The following GRM8 variants were observed in gnomAD, a reference collection of about 807,000 sequenced individuals.
GRM8 encodes the protein metabotropic glutamate receptor 8.
A neutral mutation model predicts 87.2 loss-of-function variants in GRM8; 47 were observed. The ratio of observed to expected loss-of-function variants is 0.54; its 90% CI spans 0.43 to 0.69. The LOEUF is 0.69. Ranked by LOEUF, GRM8 falls within the 30% of genes least tolerant of loss-of-function variation. The pLI is 0.00. For missense variants in GRM8, 1,019 were observed against 1,139.2 expected (o/e 0.89, Z 1.52); for synonymous variants, 396 against 404.5 (o/e 0.98, Z 0.25).
At chr7:126,826,574 T>G (rs1169943469) in intron 6 of GRM8, among the ~76,000 whole-genome samples, 3 of 152,228 alleles carry the variant, frequency 2.0e-5, no homozygotes. Flanking sequence ...GTTGTTTTTT[T>G]CTTGTAAATT....
At chr7:127,106,778 G>A (rs535230599) in intron 2 of GRM8, 66 bp from the exon 3 acceptor site, 78 of 1,147,962 alleles carry the variant, frequency 6.8e-5, no homozygotes, top group African/African-American at 6.5e-4. Flanking sequence ...ATTGTCATAT[G>A]AGCTAAACAG....
chr7:126,673,374 A>AGAT (rs1806593512), intron 7 of GRM8, among the ~76,000 whole-genome samples: 1 of 152,176 alleles, frequency 6.6e-6, no homozygotes, highest in African/African-American at 2.4e-5. Context: ...TTCAAGTGGG[A>AGAT]GATAATGGAT....
chr7:126,586,469 T>G (rs1412028177), intron 8 of GRM8, among the ~76,000 whole-genome samples: 1 of 152,236 alleles, frequency 6.6e-6, no homozygotes, highest in East Asian at 1.9e-4. Flanking sequence ...ATGGTACTGG[T>G]ACCAAAACAG....
At chr7:126,565,393 G>C (rs1262162012) in intron 8 of GRM8, among the ~76,000 whole-genome samples, 1 of 152,012 alleles carries the variant, frequency 6.6e-6, no homozygotes, top group African/African-American at 2.4e-5. Flanking sequence ...CAATTGTATT[G>C]CTATGTATTA....
intron 2 of GRM8, among the ~76,000 whole-genome samples, chr7:127,208,680 T>C (rs1162062549): frequency 6.6e-6 from 1 of 152,216 alleles, no homozygotes; most frequent in Non-Finnish European, 1.5e-5. Flanking sequence ...GCTTTTACAA[T>C]GATCACCTTG....
At chr7:126,937,224 A>G (rs1187529904) in intron 3 of GRM8, among the ~76,000 whole-genome samples, 1 of 152,172 alleles carries the variant, frequency 6.6e-6, no homozygotes, top group Non-Finnish European at 1.5e-5. Context: ...ATTGCTTCAG[A>G]TGACCTCAAG....
chr7:126,714,203 A>G (rs1271834426), intron 7 of GRM8, among the ~76,000 whole-genome samples: 1 of 150,708 alleles, frequency 6.6e-6, no homozygotes, highest in Non-Finnish European at 1.5e-5. Context: ...GCTTGAAGCC[A>G]GGAGGCAGAG....
chr7:126,632,922 CG>C (rs1585299644), intron 7 of GRM8, among the ~76,000 whole-genome samples: 1 of 151,802 alleles, frequency 6.6e-6, no homozygotes, highest in African/African-American at 2.4e-5. Flanking sequence ...TATAGAGACA[CG>C]TTTTTTTAAA....
At chr7:126,698,196 C>T (rs1417266499) in intron 7 of GRM8, among the ~76,000 whole-genome samples, 2 of 152,060 alleles carry the variant, frequency 1.3e-5, no homozygotes, top group Non-Finnish European at 2.9e-5. Flanking sequence ...TTAGACAATA[C>T]TCTGGTGAAA....
At chr7:126,506,002 C>A (rs1810408789) in intron 9 of GRM8, among the ~76,000 whole-genome samples, 1 of 151,994 alleles carries the variant, frequency 6.6e-6, no homozygotes, top group Admixed American at 6.6e-5. Flanking sequence ...TCCTCTCCTC[C>A]TCCTAGCCCC....
At chr7:127,093,301 C>T (rs1197388499) in intron 3 of GRM8, among the ~76,000 whole-genome samples, 1 of 152,146 alleles carries the variant, frequency 6.6e-6, no homozygotes, top group East Asian at 1.9e-4. Flanking sequence ...ATCCCTACCA[C>T]CTAGAACAAG....
chr7:127,168,836 C>A (rs1384204980), intron 2 of GRM8, among the ~76,000 whole-genome samples: 1 of 151,702 alleles, frequency 6.6e-6, no homozygotes, highest in Non-Finnish European at 1.5e-5. Context: ...AGGGGAACAT[C>A]ACACACGGGG....
intron 8 of GRM8, among the ~76,000 whole-genome samples, chr7:126,569,081 T>C (rs931227547): frequency 1.3e-5 from 2 of 152,208 alleles, no homozygotes; most frequent in African/African-American, 4.8e-5. Flanking sequence ...CACTCTATTA[T>C]ACTTCTTCAA....
intron 3 of GRM8, among the ~76,000 whole-genome samples, chr7:127,014,372 G>T (rs981025244): frequency 2.0e-5 from 3 of 152,208 alleles, no homozygotes; most frequent in African/African-American, 7.2e-5. Context: ...AGGATATTCA[G>T]GATGAAGACC....
intron 6 of GRM8, among the ~76,000 whole-genome samples, chr7:126,823,843 A>G (rs560875567): frequency 2.2e-4 from 34 of 152,276 alleles, no homozygotes; most frequent in Middle Eastern, 3.4e-3. Context: ...CCTTAACTCA[A>G]TGTACACAAG....
chr7:126,988,353 G>A (rs3808133), intron 3 of GRM8, among the ~76,000 whole-genome samples: 15,481 of 152,132 alleles, frequency 0.1, 949 homozygotes, highest in East Asian at 0.21. Context: ...AGCACTTAAG[G>A]CACAATAATT....
chr7:126,825,154 G>A (rs899218481), intron 6 of GRM8, among the ~76,000 whole-genome samples: 5 of 152,024 alleles, frequency 3.3e-5, no homozygotes, highest in Non-Finnish European at 7.4e-5. Flanking sequence ...TGCAACCTCC[G>A]CCTCCTGGGT....
chr7:126,538,188 T>C (rs530359462), intron 8 of GRM8, among the ~76,000 whole-genome samples: 1 of 152,344 alleles, frequency 6.6e-6, no homozygotes, highest in Admixed American at 6.5e-5. Context: ...CTGTTATTAT[T>C]GCAGACAAGT....
At chr7:126,795,241 C>T (rs1410297476) in intron 6 of GRM8, among the ~76,000 whole-genome samples, 1 of 152,018 alleles carries the variant, frequency 6.6e-6, no homozygotes, top group Non-Finnish European at 1.5e-5. Flanking sequence ...AAAGATATGA[C>T]TATACACAAA....
Sources: allele counts gnomAD v4.1 joint callset (sites outside exome capture counted in the v4.1 genomes callset), GRCh38; gene constraint gnomAD v4.1.1; transcripts MANE v1.5; gene names NCBI Gene and HGNC (gene_info 2026-07-23, HGNC 2026-07-21).